The following RPSA2 variants were observed in gnomAD, a reference collection of about 807,000 sequenced individuals.
RPSA2 encodes the protein ribosomal protein SA 2.
At chr19:23,778,862 A>G in the RPSA2 span, among the ~76,000 whole-genome samples, 1 of 151,784 alleles carries the variant, frequency 6.6e-6, no homozygotes, top group South Asian at 2.1e-4. Context: ...AGCTTTACTC[A>G]GCCCCTAGGT....
At chr19:23,820,840 C>T in the RPSA2 span, among the ~76,000 whole-genome samples, 3 of 152,154 alleles carry the variant, frequency 2.0e-5, no homozygotes, top group African/African-American at 7.2e-5. Flanking sequence ...GACTGAGCTT[C>T]CACCACCAAG....
At chr19:23,761,822 G>C in the RPSA2 span, among the ~76,000 whole-genome samples, 6 of 151,520 alleles carry the variant, frequency 4.0e-5, no homozygotes, top group Non-Finnish European at 7.4e-5. Flanking sequence ...GCGTAGTCAC[G>C]GCACAATTAC....
At chr19:23,764,255 C>A in the RPSA2 span, among the ~76,000 whole-genome samples, 1 of 152,276 alleles carries the variant, frequency 6.6e-6, no homozygotes, top group African/African-American at 2.4e-5. Context: ...ATCCACTACC[C>A]TCTTCCCCTA....
chr19:23,805,979 G>A, the RPSA2 span, among the ~76,000 whole-genome samples: 9 of 151,522 alleles, frequency 5.9e-5, no homozygotes, highest in East Asian at 1.7e-3. Context: ...AACATGGATA[G>A]GTGTGGATTA....
chr19:23,838,845 T>A, the RPSA2 span, among the ~76,000 whole-genome samples: 1 of 152,328 alleles, frequency 6.6e-6, no homozygotes, highest in South Asian at 2.1e-4. Flanking sequence ...CTCTTCTTGA[T>A]CAATTTTGCT....
At chr19:23,820,863 A>G in the RPSA2 span, among the ~76,000 whole-genome samples, 1 of 152,130 alleles carries the variant, frequency 6.6e-6, no homozygotes. Context: ...CAATGTTACT[A>G]CTGCATACCC....
the RPSA2 span, chr19:23,818,945 T>C: frequency 1.3e-5 from 2 of 152,294 alleles, no homozygotes; most frequent in Non-Finnish European, 2.9e-5. Flanking sequence ...GTTCTAGTCA[T>C]GGTGCTTCCT....
At chr19:23,767,584 G>A in the RPSA2 span, among the ~76,000 whole-genome samples, 2 of 152,064 alleles carry the variant, frequency 1.3e-5, no homozygotes, top group African/African-American at 4.8e-5. Flanking sequence ...GGTACAAAGT[G>A]TCTCCTGGGA....
chr19:23,821,510 C>G, the RPSA2 span, among the ~76,000 whole-genome samples: 11 of 152,328 alleles, frequency 7.2e-5, no homozygotes, highest in South Asian at 2.1e-3. Context: ...CTGCCTCCCC[C>G]ACTTCTAATG....
chr19:23,851,278 G>T, the RPSA2 span, among the ~76,000 whole-genome samples: 1 of 152,182 alleles, frequency 6.6e-6, no homozygotes, highest in Non-Finnish European at 1.5e-5. Context: ...GGCACTGAGA[G>T]CAGCAGTGGA....
At chr19:23,832,936 A>G in the RPSA2 span, 1 of 1,513,078 alleles carries the variant, frequency 6.6e-7, no homozygotes, top group Non-Finnish European at 8.9e-7. Context: ...AAGCTTTACT[A>G]AACATAAGGT....
chr19:23,862,290 G>A, the RPSA2 span, among the ~76,000 whole-genome samples: 1 of 151,432 alleles, frequency 6.6e-6, no homozygotes, highest in Non-Finnish European at 1.5e-5. Context: ...GAGACAATGG[G>A]GTTTTCTAGA....
chr19:23,802,334 A>T, the RPSA2 span, among the ~76,000 whole-genome samples: 2 of 152,318 alleles, frequency 1.3e-5, no homozygotes, highest in African/African-American at 4.8e-5. Context: ...TTATTGTCCA[A>T]AAGCTAGCTA....
the RPSA2 span, among the ~76,000 whole-genome samples, chr19:23,802,556 T>C: frequency 1.1e-4 from 16 of 152,212 alleles, no homozygotes; most frequent in African/African-American, 3.6e-4. Flanking sequence ...TGCTTCTGTC[T>C]TACTGTAAAA....
chr19:23,766,136 TCATTTC>T, the RPSA2 span, among the ~76,000 whole-genome samples: 4 of 140,140 alleles, frequency 2.9e-5, no homozygotes, highest in Non-Finnish European at 3.0e-5. Context: ...TGCGGATATT[TCATTTC>T]CTTTTTTTTT....
At chr19:23,824,398 A>G in the RPSA2 span, among the ~76,000 whole-genome samples, 3 of 152,146 alleles carry the variant, frequency 2.0e-5, no homozygotes, top group Non-Finnish European at 2.9e-5. Flanking sequence ...CTTGAGTTTC[A>G]CTAAGGAAAA....
the RPSA2 span, among the ~76,000 whole-genome samples, chr19:23,777,661 A>G: frequency 6.6e-6 from 1 of 152,016 alleles, no homozygotes; most frequent in African/African-American, 2.4e-5. Flanking sequence ...CATTCTTCCC[A>G]CAGAGAAGAT....
At chr19:23,809,666 AT>A in the RPSA2 span, among the ~76,000 whole-genome samples, 1 of 151,968 alleles carries the variant, frequency 6.6e-6, no homozygotes, top group Non-Finnish European at 1.5e-5. Flanking sequence ...TTTTAAGTGT[AT>A]GGAACCATAA....
chr19:23,766,756 ATGT>A, the RPSA2 span, among the ~76,000 whole-genome samples: 17 of 71,344 alleles, frequency 2.4e-4, no homozygotes, highest in East Asian at 1.8e-3. Flanking sequence ...GCCGGGCCAA[ATGT>A]TTTTTTTTTT....
Sources: gnomAD v4.1 joint callset for allele counts (sites outside exome capture counted in the v4.1 genomes callset) on GRCh38, gnomAD v4.1.1 for gene constraint, MANE v1.5 for transcripts, NCBI Gene and HGNC (gene_info 2026-07-23, HGNC 2026-07-21) for gene names.